NKAIN3: variants seen among roughly 807,000 people sequenced by gnomAD.
NKAIN3 encodes sodium/potassium-transporting ATPase subunit beta-1-interacting protein 3.
NKAIN3 carries 25 observed loss-of-function variants against 30.2 expected under a neutral mutation model. That is an observed-to-expected ratio of 0.83 (90% CI 0.60 to 1.16). The LOEUF is 1.16. Among genes scored for constraint, NKAIN3 ranks in the 50% most tolerant of loss-of-function variants. The pLI, the probability that NKAIN3 is intolerant of heterozygous loss-of-function variation, is 0.00. For missense variants in NKAIN3, 225 were observed against 254.1 expected, an observed-to-expected ratio of 0.89 and a Z score of 0.78; for synonymous variants, 91 against 89.6, an observed-to-expected ratio of 1.02 and a Z score of -0.09.
intron 4 of NKAIN3, chr8:62,863,069 A>C: frequency 1.0e-6 from 1 of 1,002,830 alleles, no homozygotes; most frequent in Non-Finnish European, 1.5e-6. Flanking sequence ...GATCCTCTGT[A>C]TCATATATCT....
chr8:62,864,693 G>T (rs1012772296), intron 4 of NKAIN3, among the ~76,000 whole-genome samples: 14 of 152,158 alleles, frequency 9.2e-5, no homozygotes, highest in Admixed American at 8.5e-4. Flanking sequence ...ACAGAAGCAG[G>T]ACGGTTTCAG....
intron 1 of NKAIN3, among the ~76,000 whole-genome samples, chr8:62,544,239 G>T (rs1313622537): frequency 6.6e-6 from 1 of 152,106 alleles, no homozygotes; most frequent in African/African-American, 2.4e-5. Context: ...CTGGGCTCAA[G>T]CAATCCTCCT....
intron 1 of NKAIN3, among the ~76,000 whole-genome samples, chr8:62,306,720 GC>G (rs768801101): frequency 1.1e-4 from 16 of 150,132 alleles, no homozygotes; most frequent in Admixed American, 4.0e-4. Flanking sequence ...CATAGGTTTG[GC>G]CAAAGAGCCA....
intron 3 of NKAIN3, among the ~76,000 whole-genome samples, chr8:62,639,277 A>G (rs1289974190): frequency 6.6e-6 from 1 of 152,172 alleles, no homozygotes; most frequent in Non-Finnish European, 1.5e-5. Context: ...AAGAGAAGAA[A>G]GTAATTCCAG....
At chr8:62,926,337 C>T (rs1483881773) in intron 5 of NKAIN3, among the ~76,000 whole-genome samples, 1 of 152,188 alleles carries the variant, frequency 6.6e-6, no homozygotes, top group Non-Finnish European at 1.5e-5. Context: ...CAACAACCCC[C>T]CTTCTCAACG....
chr8:62,346,117 G>A (rs546306285), intron 1 of NKAIN3, among the ~76,000 whole-genome samples: 11 of 152,130 alleles, frequency 7.2e-5, no homozygotes, highest in South Asian at 4.1e-4. Flanking sequence ...CACGTGAAAC[G>A]TTATGGTTAG....
chr8:62,350,178 A>G (rs1307313614), intron 1 of NKAIN3, among the ~76,000 whole-genome samples: 1 of 152,246 alleles, frequency 6.6e-6, no homozygotes, highest in Non-Finnish European at 1.5e-5. Context: ...AGTGCATAGC[A>G]GCATTATTCA....
intron 1 of NKAIN3, among the ~76,000 whole-genome samples, chr8:62,344,196 A>G (rs1815848286): frequency 6.6e-6 from 1 of 152,038 alleles, no homozygotes; most frequent in African/African-American, 2.4e-5. Context: ...TAAAGAAATC[A>G]CTTCTTTAAA....
intron 4 of NKAIN3, among the ~76,000 whole-genome samples, chr8:62,883,459 T>TGTTGTTTTTTTTTTTG (rs1554588081): frequency 6.4e-5 from 5 of 78,378 alleles, no homozygotes; most frequent in Non-Finnish European, 1.4e-4. Flanking sequence ...TTTTATGGGT[T>TGTTGTTTTTTTTTTTG]TTTTTTTTTT....
Position 62,978,094 on chromosome 8 carries a change from C to A in NKAIN3, c.*12687C>A. 1 of 164,670 alleles carries A rather than the reference C, an allele frequency of 6.1e-6. No individual in the cohort carries two copies. Among genetic ancestry groups the A allele is most frequent in the Admixed American group, 6.5e-5 (1 of 15,466 alleles). The allele number at this position is 164,670 out of a possible 1,614,324, so 10.2% of individuals were successfully genotyped here. A position where few individuals can be genotyped will look rare whatever the true frequency, so the allele number is the denominator to read the frequency against. ...CTCCTCCTACTTCTGGAAGCTGTGTCCCAGAGGGGCACCTGCCAGATGCTA... is the reference window on the plus strand; with the variant it reads ...CTCCTCCTACTTCTGGAAGCTGTGTACCAGAGGGGCACCTGCCAGATGCTA... On this transcript the variant is annotated 3_prime_UTR_variant, in exon 7 of 7. Coordinates refer to ENST00000623646, the MANE Select transcript of NKAIN3 (RefSeq NM_001304533.3).
At chr8:62,347,574 A>G in intron 1 of NKAIN3, among the ~76,000 whole-genome samples, 1 of 151,626 alleles carries the variant, frequency 6.6e-6, no homozygotes, top group East Asian at 1.9e-4. Flanking sequence ...AATAAATCCA[A>G]CTTTTGAAAG....
intron 3 of NKAIN3, among the ~76,000 whole-genome samples, chr8:62,659,596 G>A (rs1812876302): frequency 6.6e-6 from 1 of 152,190 alleles, no homozygotes; most frequent in African/African-American, 2.4e-5. Context: ...GGATGGAGAT[G>A]GGGGCTGCTT....
intron 1 of NKAIN3, among the ~76,000 whole-genome samples, chr8:62,265,583 A>G (rs1585611883): frequency 6.6e-6 from 1 of 152,174 alleles, no homozygotes; most frequent in Non-Finnish European, 1.5e-5. Context: ...CTTTATTTAA[A>G]TATGAAAGTA....
At chr8:62,282,227 C>G (rs1257550409) in intron 1 of NKAIN3, among the ~76,000 whole-genome samples, 5 of 152,100 alleles carry the variant, frequency 3.3e-5, no homozygotes, top group African/African-American at 4.8e-5. Flanking sequence ...AGATGGTTAT[C>G]CCACTAATTT....
chr8:62,885,849 A>G (rs933967635), intron 4 of NKAIN3, among the ~76,000 whole-genome samples: 4 of 152,084 alleles, frequency 2.6e-5, no homozygotes, highest in African/African-American at 9.6e-5. Context: ...TTTCCACCCC[A>G]TTACTTTTTA....
intron 1 of NKAIN3, among the ~76,000 whole-genome samples, chr8:62,249,624 T>C (rs1489297241): frequency 6.6e-6 from 1 of 152,172 alleles, no homozygotes; most frequent in East Asian, 1.9e-4. Flanking sequence ...GAGGTGGTTC[T>C]AACCTTAAGC....
At chr8:62,523,155 C>G (rs1467447983) in intron 1 of NKAIN3, among the ~76,000 whole-genome samples, 3 of 152,030 alleles carry the variant, frequency 2.0e-5, no homozygotes, top group Non-Finnish European at 4.4e-5. Context: ...TACACAAATA[C>G]TCATAATTTA....
chr8:62,547,490 T>A (rs1310322640), intron 1 of NKAIN3, among the ~76,000 whole-genome samples: 1 of 152,194 alleles, frequency 6.6e-6, no homozygotes, highest in Non-Finnish European at 1.5e-5. Flanking sequence ...TTATTTCTGA[T>A]CAAACTGAAA....
chr8:62,806,055 G>T (rs893346502), intron 4 of NKAIN3, among the ~76,000 whole-genome samples: 3 of 152,190 alleles, frequency 2.0e-5, no homozygotes, highest in Admixed American at 6.5e-5. Context: ...ATGAAAAAAT[G>T]CTCACCATCA....
Sources: allele counts gnomAD v4.1 joint callset (sites outside exome capture counted in the v4.1 genomes callset), GRCh38; gene constraint gnomAD v4.1.1; transcripts MANE v1.5; gene names NCBI Gene and HGNC (gene_info 2026-07-23, HGNC 2026-07-21).